Variants in TAFA4 observed in about 807,000 individuals in gnomAD.
TAFA4 encodes TAFA chemokine like family member 4.
TAFA4 carries 20 observed loss-of-function variants against 21.1 expected under a neutral mutation model. That is an observed-to-expected ratio of 0.95 (90% CI 0.67 to 1.38). The LOEUF (loss-of-function observed/expected upper bound fraction) is 1.38. Ranked by LOEUF, TAFA4 falls within the 40% of genes most tolerant of loss-of-function variation. The pLI, the probability that TAFA4 is intolerant of heterozygous loss-of-function variation, is 0.00. For missense variants in TAFA4, 211 were observed against 180.9 expected (o/e 1.17, Z -0.95); for synonymous variants, 71 against 67.4 (o/e 1.05, Z -0.26).
intron 1 of TAFA4, among the ~76,000 whole-genome samples, chr3:68,920,378 T>C (rs553799560): frequency 1.3e-5 from 2 of 152,354 alleles, no homozygotes; most frequent in East Asian, 3.9e-4. Context: ...TTATACTTTT[T>C]AAATAAAGTT....
At chr3:68,853,717 C>T (rs565357722) in intron 3 of TAFA4, among the ~76,000 whole-genome samples, 117 of 152,222 alleles carry the variant, frequency 7.7e-4, no homozygotes, top group Admixed American at 2.0e-3. Context: ...CAAAGAAAGG[C>T]ACAACAAGGT....
chr3:68,823,075 G>A (rs572153391), intron 3 of TAFA4, among the ~76,000 whole-genome samples: 27 of 152,168 alleles, frequency 1.8e-4, no homozygotes, highest in African/African-American at 6.5e-4. Flanking sequence ...CTTAATATAA[G>A]TATCAAGATC....
intron 1 of TAFA4, among the ~76,000 whole-genome samples, chr3:68,896,183 C>G (rs375632077): frequency 1.1e-4 from 17 of 152,214 alleles, no homozygotes; most frequent in African/African-American, 4.1e-4. Context: ...AGGGACAGAC[C>G]AGGCAGAAGC....
chr3:68,860,667 T>C (rs1030894448), intron 3 of TAFA4, among the ~76,000 whole-genome samples: 2 of 152,166 alleles, frequency 1.3e-5, no homozygotes, highest in Non-Finnish European at 2.9e-5. Context: ...TGCAGTTATG[T>C]TTTTGAGCTT....
rs71618251 is a variant in TAFA4 at position 68,918,132 on chromosome 3, T to TACACACACAC, written c.-123+14098_-123+14107dup. Among the ~76,000 whole-genome samples the TACACACACAC allele has an allele frequency of 9.0e-3, 1,340 of 148,918 alleles. 14 individuals are homozygous for TACACACACAC. The highest frequency in any genetic ancestry group is 0.031 in the African/African-American group (1,268 of 40,614). On this transcript the variant is annotated intron_variant, in intron 1 of 5. Coordinates refer to ENST00000295569, the MANE Select transcript of TAFA4 (RefSeq NM_182522.5). Reference sequence around the variant, plus strand: ...ATAATGAGAGGAAGCCAGACACACATACACACACACACACACACACACAAA... The same window carrying TACACACACAC: ...ATAATGAGAGGAAGCCAGACACACATACACACACACACACACACACACACACACACACAAA...
chr3:68,824,308 G>A (rs543818994), intron 3 of TAFA4, among the ~76,000 whole-genome samples: 3 of 152,274 alleles, frequency 2.0e-5, no homozygotes, highest in Admixed American at 1.3e-4. Context: ...GGTGTCCACA[G>A]GGCTGCCTGC....
At chr3:68,751,263 G>C (rs1180676933) in intron 4 of TAFA4, among the ~76,000 whole-genome samples, 1 of 152,190 alleles carries the variant, frequency 6.6e-6, no homozygotes, top group African/African-American at 2.4e-5. Flanking sequence ...AAGAGAGTGG[G>C]AAGCCACTAA....
At chr3:68,781,801 A>G (rs77437307) in intron 3 of TAFA4, among the ~76,000 whole-genome samples, 3,910 of 152,282 alleles carry the variant, frequency 0.026, 105 homozygotes, top group East Asian at 0.13. Flanking sequence ...CAAAGACACT[A>G]AAAATAAAGA....
chr3:68,820,610 G>T (rs567051842), intron 3 of TAFA4, among the ~76,000 whole-genome samples: 158 of 152,218 alleles, frequency 1.0e-3, no homozygotes, highest in Non-Finnish European at 1.8e-3. Flanking sequence ...AGGCTGCAGT[G>T]AGCCATGATA....
chr3:68,818,620 G>A (rs559294466), intron 3 of TAFA4, among the ~76,000 whole-genome samples: 2 of 152,314 alleles, frequency 1.3e-5, no homozygotes, highest in East Asian at 3.9e-4. Context: ...GGGTTATCAA[G>A]TGGCCTAATT....
chr3:68,885,290 A>T lies in TAFA4; in HGVS notation c.-102T>A, dbSNP rs540698646. ...ACCAATCATTTCTGCCGTTCCAAAA[A>T]ATTATCGTAGCTCAGAAGACCTATG... On this transcript the variant is annotated 5_prime_UTR_variant, in exon 2 of 6. Transcript: ENST00000295569. 11 of 1,098,160 alleles carry T rather than the reference A, an allele frequency of 1.0e-5. No homozygotes were observed. The highest frequency in any genetic ancestry group is 1.3e-5 in the Non-Finnish European group (10 of 760,916). 68.0% of individuals were successfully genotyped at this position (1,098,160 alleles called of 1,614,324 possible). A position where few individuals can be genotyped will look rare whatever the true frequency, so the allele number is the denominator to read the frequency against.
At chr3:68,806,193 A>T (rs1194181837) in intron 3 of TAFA4, among the ~76,000 whole-genome samples, 4 of 152,150 alleles carry the variant, frequency 2.6e-5, no homozygotes, top group Non-Finnish European at 4.4e-5. Flanking sequence ...CAGAAAAAAA[A>T]ATAATACTTT....
intron 3 of TAFA4, among the ~76,000 whole-genome samples, chr3:68,808,369 C>A (rs1382692844): frequency 6.6e-6 from 1 of 152,192 alleles, no homozygotes; most frequent in African/African-American, 2.4e-5. Flanking sequence ...TCTATCATAA[C>A]AGTTGTCCTA....
At chr3:68,755,790 G>A (rs1403866847) in intron 3 of TAFA4, among the ~76,000 whole-genome samples, 3 of 152,154 alleles carry the variant, frequency 2.0e-5, no homozygotes, top group Non-Finnish European at 4.4e-5. Flanking sequence ...CAGACTCCTT[G>A]TGCAGGCCCC....
chr3:68,733,066 G>A lies in TAFA4; in HGVS notation c.*76C>T. The A allele has an allele frequency of 1.3e-6, 2 of 1,589,752 alleles. No individual in the cohort carries two copies. Among genetic ancestry groups the A allele is most frequent in the Admixed American group, 1.7e-5 (1 of 57,902 alleles). ...AATCCTAGACAATTTTCTGCAAAGGGGCCATGATGGGAATCCAAGCAAAAG... is the reference window on the plus strand; with the variant it reads ...AATCCTAGACAATTTTCTGCAAAGGAGCCATGATGGGAATCCAAGCAAAAG... On this transcript the variant is annotated 3_prime_UTR_variant, in exon 6 of 6. Transcript: ENST00000295569.
At chr3:68,767,125 A>G (rs540215628) in intron 3 of TAFA4, among the ~76,000 whole-genome samples, 1 of 152,306 alleles carries the variant, frequency 6.6e-6, no homozygotes, top group East Asian at 1.9e-4. Context: ...TGAATTGTAT[A>G]GTGGTGAAGT....
intron 3 of TAFA4, among the ~76,000 whole-genome samples, chr3:68,822,962 T>C (rs575372042): frequency 7.9e-5 from 12 of 152,206 alleles, no homozygotes; most frequent in Non-Finnish European, 1.6e-4. Context: ...TTTAAAAGAA[T>C]GGCTTTGGCA....
chr3:68,876,322 C>T (rs1250913880), intron 3 of TAFA4, among the ~76,000 whole-genome samples: 1 of 152,154 alleles, frequency 6.6e-6, no homozygotes, highest in South Asian at 2.1e-4. Context: ...AGTGTCAGAA[C>T]TTAGGCAATG....
chr3:68,763,557 T>C (rs1185363150), intron 3 of TAFA4, among the ~76,000 whole-genome samples: 2 of 152,050 alleles, frequency 1.3e-5, no homozygotes, highest in Non-Finnish European at 2.9e-5. Flanking sequence ...CACAAAAAAA[T>C]ACTATATTCT....
Sources: gnomAD v4.1 joint callset for allele counts (sites outside exome capture counted in the v4.1 genomes callset) on GRCh38, gnomAD v4.1.1 for gene constraint, MANE v1.5 for transcripts, NCBI Gene and HGNC (gene_info 2026-07-23, HGNC 2026-07-21) for gene names.